The following TOX variants were observed in gnomAD, a reference collection of about 807,000 sequenced individuals.
The protein encoded by TOX is thymocyte selection associated high mobility group box.
TOX carries 11 observed loss-of-function variants against 53.7 expected under a neutral mutation model. That is an observed-to-expected ratio of 0.20 (90% confidence interval 0.13 to 0.34). The LOEUF is 0.34. Ranked by LOEUF, TOX falls within the 10% of genes least tolerant of loss-of-function variation. The probability of loss-of-function intolerance (pLI) is 1.00; values close to 1 mark genes in which losing one functional copy is unlikely to be tolerated. For missense variants in TOX, 570 were observed against 664.6 expected (o/e 0.86, Z 1.56); for synonymous variants, 225 against 245.3 (o/e 0.92, Z 0.77).
intron 6 of TOX, among the ~76,000 whole-genome samples, chr8:58,817,584 C>A (rs1339645219): frequency 6.6e-6 from 1 of 152,076 alleles, no homozygotes; most frequent in Non-Finnish European, 1.5e-5. Context: ...CCGTATATGC[C>A]AGAAAGATTA....
intron 2 of TOX, among the ~76,000 whole-genome samples, chr8:58,943,898 G>C (rs1812483975): frequency 6.6e-6 from 1 of 152,156 alleles, no homozygotes; most frequent in Admixed American, 6.5e-5. Flanking sequence ...AAAGTATTTA[G>C]GGACTACAGG....
At chr8:59,067,779 A>G (rs1804121670) in intron 1 of TOX, among the ~76,000 whole-genome samples, 1 of 152,112 alleles carries the variant, frequency 6.6e-6, no homozygotes, top group Non-Finnish European at 1.5e-5. Flanking sequence ...CGAGGTTAAA[A>G]AACGAAGACT....
intron 1 of TOX, among the ~76,000 whole-genome samples, chr8:59,038,200 T>A (rs922701584): frequency 2.6e-5 from 4 of 152,254 alleles, no homozygotes; most frequent in Non-Finnish European, 5.9e-5. Flanking sequence ...CATTTCGATC[T>A]GTCATAACAG....
intron 3 of TOX, among the ~76,000 whole-genome samples, chr8:58,909,051 A>G (rs1239989116): frequency 6.6e-6 from 1 of 152,228 alleles, no homozygotes; most frequent in Non-Finnish European, 1.5e-5. Context: ...AGAACACAGA[A>G]ACACTGTAGC....
At chr8:59,063,013 T>G (rs535742100) in intron 1 of TOX, among the ~76,000 whole-genome samples, 25 of 152,316 alleles carry the variant, frequency 1.6e-4, no homozygotes, top group Non-Finnish European at 2.8e-4. Flanking sequence ...CATAATTTTT[T>G]TATTGCCTAT....
rs138934382 is a variant in TOX at position 59,071,896 on chromosome 8, C to T, written c.102+46990G>A. Reference sequence around the variant, plus strand: ...CCAATCATTTTAATTCTTCTATTTTCTTAAGTTTTCATGTTTTCCCTTTGA... The same window carrying T: ...CCAATCATTTTAATTCTTCTATTTTTTTAAGTTTTCATGTTTTCCCTTTGA... On this transcript the variant is annotated intron_variant, in intron 1 of 8. Coordinates refer to ENST00000361421, the MANE Select transcript of TOX (RefSeq NM_014729.3). Among the ~76,000 whole-genome samples, 35 of 152,226 alleles carry T rather than the reference C, an allele frequency of 2.3e-4. 1 individual carries two copies. In the East Asian group the frequency reaches 6.6e-3, roughly 29 times the overall value.
intron 1 of TOX, among the ~76,000 whole-genome samples, chr8:59,062,968 T>C (rs1046941157): frequency 2.0e-5 from 3 of 152,260 alleles, no homozygotes; most frequent in African/African-American, 7.2e-5. Flanking sequence ...TGTAAGAATC[T>C]TTCATAGTGA....
intron 3 of TOX, among the ~76,000 whole-genome samples, chr8:58,908,602 T>C (rs1811858955): frequency 6.6e-6 from 1 of 152,200 alleles, no homozygotes; most frequent in East Asian, 1.9e-4. Context: ...AAGCAATTTG[T>C]TTATCCCTCC....
chr8:59,052,198 G>A (rs946747622), intron 1 of TOX, among the ~76,000 whole-genome samples: 1 of 152,164 alleles, frequency 6.6e-6, no homozygotes, highest in African/African-American at 2.4e-5. Flanking sequence ...ACACATTAAA[G>A]TATCATTATA....
intron 1 of TOX, among the ~76,000 whole-genome samples, chr8:58,962,789 A>C (rs911949507): frequency 2.0e-5 from 3 of 152,112 alleles, no homozygotes; most frequent in African/African-American, 7.2e-5. Context: ...GAATTTTTTT[A>C]AGTGTCGTGA....
chr8:58,808,036 G>T lies in TOX; in HGVS notation c.1544+82C>A, dbSNP rs1346215885. ...GAAACTATCCCGGATCATGTTTTTG[G>T]AAACAAGAGAACGATCAACTAGGGA... On this transcript the variant is annotated intron_variant, in intron 8 of 8. Coordinates refer to ENST00000361421, the MANE Select transcript of TOX (RefSeq NM_014729.3). 3 of 1,517,960 alleles carry T rather than the reference G, an allele frequency of 2.0e-6. No homozygotes were observed. In the African/African-American group the frequency reaches 4.2e-5, roughly 21 times the overall value. 94.0% of individuals were successfully genotyped at this position (1,517,960 alleles called of 1,614,324 possible). A position where few individuals can be genotyped will look rare whatever the true frequency, so the allele number is the denominator to read the frequency against.
rs143343596 is a variant in TOX at position 58,815,594 on chromosome 8, G to A, written c.1136C>T (p.Pro379Leu). Residue 379 changes from proline (P) to leucine (L), a missense_variant, in exon 7 of 9, where the codon CCG becomes CTG. Coordinates refer to ENST00000361421, the MANE Select transcript of TOX (RefSeq NM_014729.3). ...LYLSSHYHQQ[P>L]GMNPHLTAMH... ...GGCAGTTAGGTGAGGATTCATTCCC[G>A]GTTGTTGGTGATAGTGGGAACTTAG... 2.9e-4 allele frequency: 472 copies of A among 1,614,150 alleles called. 2 individuals are homozygous for A. The highest frequency in any genetic ancestry group is 4.7e-4 in the South Asian group (43 of 91,066).
At chr8:59,105,233 A>C (rs1212957297) in intron 1 of TOX, among the ~76,000 whole-genome samples, 1 of 152,218 alleles carries the variant, frequency 6.6e-6, no homozygotes, top group Non-Finnish European at 1.5e-5. Context: ...GGAAACAGTG[A>C]CACAGCCTTA....
chr8:58,860,226 C>T (rs1185303626), intron 3 of TOX, among the ~76,000 whole-genome samples: 1 of 152,060 alleles, frequency 6.6e-6, no homozygotes, highest in Non-Finnish European at 1.5e-5. Flanking sequence ...CTTCTTTAAC[C>T]CTCATTTTTC....
chr8:58,874,437 A>G (rs532939675), intron 3 of TOX, among the ~76,000 whole-genome samples: 2 of 152,078 alleles, frequency 1.3e-5, no homozygotes, highest in Non-Finnish European at 2.9e-5. Context: ...TGTGAGCGCT[A>G]AGGTAACGTT....
At chr8:59,031,445 G>T (rs530381744) in intron 1 of TOX, among the ~76,000 whole-genome samples, 2 of 152,152 alleles carry the variant, frequency 1.3e-5, no homozygotes, top group Non-Finnish European at 2.9e-5. Context: ...CTGAGCACAC[G>T]CTATGTTCCA....
At chr8:58,996,504 G>A (rs1457854729) in intron 1 of TOX, among the ~76,000 whole-genome samples, 1 of 152,180 alleles carries the variant, frequency 6.6e-6, no homozygotes, top group African/African-American at 2.4e-5. Context: ...AAGTAACCAA[G>A]TAATTTAATA....
chr8:59,112,519 T>C (rs976332396), intron 1 of TOX, among the ~76,000 whole-genome samples: 3 of 152,176 alleles, frequency 2.0e-5, no homozygotes, highest in Non-Finnish European at 4.4e-5. Flanking sequence ...TTTAACACAA[T>C]TCGTTATCAA....
chr8:58,873,958 C>CTTTTTTTTTTTTTTTTTTTTTTT lies in TOX; in HGVS notation c.412-22176_412-22154dup, dbSNP rs1173710545. 1.7e-3 allele frequency among the ~76,000 whole-genome samples: 70 copies of CTTTTTTTTTTTTTTTTTTTTTTT among 40,136 alleles called. 14 individuals are homozygous for CTTTTTTTTTTTTTTTTTTTTTTT. Among genetic ancestry groups the CTTTTTTTTTTTTTTTTTTTTTTT allele is most frequent in the Admixed American group, 2.1e-3 (6 of 2,828 alleles). 26.3% of individuals were successfully genotyped at this position (40,136 alleles called of 152,430 possible). A position where few individuals can be genotyped will look rare whatever the true frequency, so the allele number is the denominator to read the frequency against. On this transcript the variant is annotated intron_variant, in intron 3 of 8. Transcript: ENST00000361421. ...AATACACATCCTGAATGCCAGGAAG[C>CTTTTTTTTTTTTTTTTTTTTTTT]TTTTTTTTTTTTTTTTTTTTTTTTT...
Sources: gnomAD v4.1 joint callset for allele counts (sites outside exome capture counted in the v4.1 genomes callset) on GRCh38, gnomAD v4.1.1 for gene constraint, MANE v1.5 for transcripts, NCBI Gene and HGNC (gene_info 2026-07-23, HGNC 2026-07-21) for gene names.